The following PGCKA1 variants were observed in gnomAD, a reference collection of about 807,000 sequenced individuals.
The protein encoded by PGCKA1 is PDCD10 and GCKIII kinases associated 1.
At chr4:37,539,922 T>A in the PGCKA1 span, among the ~76,000 whole-genome samples, 5 of 152,228 alleles carry the variant, frequency 3.3e-5, no homozygotes, top group Admixed American at 3.3e-4. Flanking sequence ...AGCACGCATT[T>A]ATCATTTCTT....
At chr4:37,583,163 A>G in the PGCKA1 span, among the ~76,000 whole-genome samples, 3 of 152,208 alleles carry the variant, frequency 2.0e-5, no homozygotes, top group African/African-American at 7.2e-5. Flanking sequence ...AACTTCTACA[A>G]GTGGATTCCT....
the PGCKA1 span, among the ~76,000 whole-genome samples, chr4:37,572,048 C>CTTTTTTTTCTTTTTCTTTTTTTT: frequency 2.2e-4 from 25 of 111,626 alleles, 1 homozygote; most frequent in South Asian, 6.3e-4. Context: ...AACTTCACAC[C>CTTTTTTTTCTTTTTCTTTTTTTT]TTTTTTTTTT....
At chr4:37,487,429 C>T in the PGCKA1 span, among the ~76,000 whole-genome samples, 1 of 152,156 alleles carries the variant, frequency 6.6e-6, no homozygotes, top group African/African-American at 2.4e-5. Flanking sequence ...GTTCATTTCA[C>T]CCCAGCACTT....
the PGCKA1 span, among the ~76,000 whole-genome samples, chr4:37,560,329 C>T: frequency 2.6e-5 from 4 of 152,168 alleles, no homozygotes; most frequent in Non-Finnish European, 5.9e-5. Flanking sequence ...AGTGCAGGCT[C>T]CAGGTCCATT....
chr4:37,531,963 A>G, the PGCKA1 span, among the ~76,000 whole-genome samples: 24 of 151,644 alleles, frequency 1.6e-4, no homozygotes, highest in Non-Finnish European at 2.9e-4. Flanking sequence ...ATATTTTACT[A>G]TTGTCCATGC....
the PGCKA1 span, among the ~76,000 whole-genome samples, chr4:37,497,295 C>CAT: frequency 2.0e-4 from 30 of 151,728 alleles, no homozygotes; most frequent in South Asian, 2.7e-3. Context: ...ACTATTCCAT[C>CAT]ATATATATAT....
the PGCKA1 span, among the ~76,000 whole-genome samples, chr4:37,579,762 G>A: frequency 1.3e-5 from 2 of 151,952 alleles, no homozygotes; most frequent in African/African-American, 4.8e-5. Context: ...GTCTTCTTTG[G>A]GTTAAATCTG....
the PGCKA1 span, among the ~76,000 whole-genome samples, chr4:37,537,209 C>T: frequency 6.6e-5 from 10 of 152,292 alleles, no homozygotes; most frequent in Middle Eastern, 0.01. Context: ...TCCAGAATTT[C>T]CCTTAAATAA....
the PGCKA1 span, among the ~76,000 whole-genome samples, chr4:37,528,678 T>C: frequency 3.9e-5 from 6 of 152,216 alleles, no homozygotes; most frequent in East Asian, 1.2e-3. Flanking sequence ...TATTGATTGA[T>C]GCATTGTTCT....
chr4:37,502,579 T>G, the PGCKA1 span, among the ~76,000 whole-genome samples: 92,249 of 152,066 alleles, frequency 0.61, 28,524 homozygotes, highest in South Asian at 0.75. Flanking sequence ...CAGCAGGGGA[T>G]GGGTGGCAGA....
the PGCKA1 span, among the ~76,000 whole-genome samples, chr4:37,525,685 A>G: frequency 6.6e-6 from 1 of 152,230 alleles, no homozygotes; most frequent in Admixed American, 6.5e-5. Flanking sequence ...ACCAGAAATC[A>G]TATAATCCAC....
chr4:37,463,342 G>C, the PGCKA1 span, among the ~76,000 whole-genome samples: 1 of 152,344 alleles, frequency 6.6e-6, no homozygotes, highest in Non-Finnish European at 1.5e-5. Context: ...CATTTCCAAA[G>C]AGAATAATAA....
At chr4:37,532,143 G>A in the PGCKA1 span, among the ~76,000 whole-genome samples, 6 of 152,066 alleles carry the variant, frequency 3.9e-5, no homozygotes, top group African/African-American at 1.4e-4. Flanking sequence ...ATAAATCAAT[G>A]CTTGATTTAT....
At chr4:37,511,744 T>C in the PGCKA1 span, among the ~76,000 whole-genome samples, 1 of 152,188 alleles carries the variant, frequency 6.6e-6, no homozygotes, top group Non-Finnish European at 1.5e-5. Context: ...CCAAGTCCAC[T>C]GGCTCAGAGC....
At chr4:37,584,044 A>G in the PGCKA1 span, among the ~76,000 whole-genome samples, 1 of 152,208 alleles carries the variant, frequency 6.6e-6, no homozygotes, top group Non-Finnish European at 1.5e-5. Flanking sequence ...GACCCGGAGC[A>G]TTTCCTTGTT....
the PGCKA1 span, among the ~76,000 whole-genome samples, chr4:37,531,865 C>A: frequency 7.2e-6 from 1 of 139,000 alleles, no homozygotes; most frequent in South Asian, 2.3e-4. Flanking sequence ...GCAGTCCAGC[C>A]TGGGCGAAAG....
the PGCKA1 span, among the ~76,000 whole-genome samples, chr4:37,579,327 C>A: frequency 2.6e-5 from 4 of 152,252 alleles, no homozygotes; most frequent in Middle Eastern, 0.014. Context: ...TTATAATATT[C>A]TGTGTTTATC....
chr4:37,582,605 C>G, the PGCKA1 span, among the ~76,000 whole-genome samples: 3 of 152,166 alleles, frequency 2.0e-5, no homozygotes, highest in African/African-American at 7.2e-5. Flanking sequence ...GAGTACAGGC[C>G]AGTTGCTTTG....
chr4:37,514,939 A>C, the PGCKA1 span, among the ~76,000 whole-genome samples: 12 of 152,334 alleles, frequency 7.9e-5, no homozygotes, highest in African/African-American at 2.9e-4. Context: ...AAACCTTCTA[A>C]GAAGAGAAGG....
Sources: allele counts gnomAD v4.1 joint callset (sites outside exome capture counted in the v4.1 genomes callset), GRCh38; gene constraint gnomAD v4.1.1; transcripts MANE v1.5; gene names NCBI Gene and HGNC (gene_info 2026-07-23, HGNC 2026-07-21).